Variants in EYA4 observed in about 807,000 individuals in gnomAD.
EYA4 encodes the protein protein phosphatase EYA4.
A neutral mutation model predicts 87.9 loss-of-function variants in EYA4; 31 were observed. The ratio of observed to expected loss-of-function variants is 0.35; its 90% confidence interval spans 0.27 to 0.48. The LOEUF is 0.48. Among genes scored for constraint, EYA4 ranks in the 20% least tolerant of loss-of-function variants. The pLI, the probability that EYA4 is intolerant of heterozygous loss-of-function variation, is 0.99. For missense variants in EYA4, 678 were observed against 761.4 expected (o/e 0.89, Z 1.29); for synonymous variants, 263 against 270.6 (o/e 0.97, Z 0.28).
At chr6:133,299,906 C>CAT (rs1039355081) in intron 2 of EYA4, among the ~76,000 whole-genome samples, 1 of 145,868 alleles carries the variant, frequency 6.9e-6, no homozygotes, top group Non-Finnish European at 1.5e-5. Flanking sequence ...TATACATATA[C>CAT]ATATGTATAT....
chr6:133,517,550 A>T (rs1799707786), intron 17 of EYA4, among the ~76,000 whole-genome samples: 1 of 152,126 alleles, frequency 6.6e-6, no homozygotes, highest in Admixed American at 6.6e-5. Flanking sequence ...AAAAAAAGTT[A>T]ATATTAAGAA....
chr6:133,360,289 G>A (rs539333095), intron 2 of EYA4: 1 of 152,150 alleles, frequency 6.6e-6, no homozygotes, highest in Non-Finnish European at 1.5e-5. Flanking sequence ...GGCTTAGTAG[G>A]CTAGGAGTCA....
intron 13 of EYA4, among the ~76,000 whole-genome samples, chr6:133,492,916 G>A (rs367847162): frequency 6.6e-6 from 1 of 152,020 alleles, no homozygotes; most frequent in African/African-American, 2.4e-5. Context: ...TCTCTACAAT[G>A]AAAACTGTAA....
At chr6:133,333,347 C>T (rs897414457) in intron 2 of EYA4, among the ~76,000 whole-genome samples, 9 of 152,134 alleles carry the variant, frequency 5.9e-5, no homozygotes, top group Admixed American at 4.6e-4. Flanking sequence ...AATGCATTTT[C>T]CATGCATGGA....
At chr6:133,502,193 A>G (rs537761020) in intron 13 of EYA4, 4 of 152,208 alleles carry the variant, frequency 2.6e-5, no homozygotes, top group Non-Finnish European at 4.4e-5. Context: ...TGTTGTAGAC[A>G]CTTTGAACCT....
chr6:133,438,456 C>T (rs546123339), intron 3 of EYA4, among the ~76,000 whole-genome samples: 1 of 149,426 alleles, frequency 6.7e-6, no homozygotes, highest in African/African-American at 2.5e-5. Context: ...TTTGTGGCTT[C>T]AGTGATATCA....
chr6:133,282,588 G>T (rs1297433895), intron 2 of EYA4, among the ~76,000 whole-genome samples: 1 of 98,270 alleles, frequency 1.0e-5, no homozygotes, highest in African/African-American at 5.8e-5. Flanking sequence ...ATATGTGTGT[G>T]TATATATATA....
rs111548923 is a variant in EYA4, at chr6:133,484,345, A to G, written c.1191+1230A>G. The stretch of plus-strand genomic sequence containing the variant: ...GCTCATGCAGTTTTTAGCTTTGTCT[A>G]TATTAAGCTATATTAAGCTTTGTCT... On this transcript the variant is annotated intron_variant, in intron 13 of 19. Transcript: ENST00000355286. Among the ~76,000 whole-genome samples the G allele has an allele frequency of 5.7e-3, 870 of 152,314 alleles. 4 individuals are homozygous for G. Among genetic ancestry groups the G allele is most frequent in the Non-Finnish European group, 9.9e-3 (676 of 68,032 alleles).
chr6:133,338,091 T>C (rs2128399925), intron 2 of EYA4, among the ~76,000 whole-genome samples: 1 of 152,312 alleles, frequency 6.6e-6, no homozygotes, highest in East Asian at 1.9e-4. Flanking sequence ...GAACATTCAT[T>C]CTTTGTAGGA....
chr6:133,425,549 C>T (rs1790595775), intron 3 of EYA4, among the ~76,000 whole-genome samples: 1 of 150,742 alleles, frequency 6.6e-6, no homozygotes, highest in South Asian at 2.1e-4. Flanking sequence ...CACTTTCTTC[C>T]TGTTTTGTTC....
chr6:133,321,404 G>T (rs2128356281), intron 2 of EYA4, among the ~76,000 whole-genome samples: 1 of 152,218 alleles, frequency 6.6e-6, no homozygotes, highest in African/African-American at 2.4e-5. Flanking sequence ...CCTCTCAGTT[G>T]TTCTGTGCTG....
chr6:133,428,915 T>C (rs1380329490), intron 3 of EYA4, among the ~76,000 whole-genome samples: 19 of 92,040 alleles, frequency 2.1e-4, no homozygotes, highest in African/African-American at 8.1e-4. Flanking sequence ...TAGCTTCTTT[T>C]TTTTTTTTTT....
rs574813657 is a variant in EYA4 at position 133,529,608 on chromosome 6, C to G, written c.*803C>G. 7.1e-6 allele frequency: 7 copies of G among 985,030 alleles called. No homozygotes were observed. The South Asian group carries it at 3.3e-4, about 46-fold the overall frequency. The allele number at this position is 985,030 out of a possible 1,614,324, so 61.0% of individuals were successfully genotyped here. On this transcript the variant is annotated 3_prime_UTR_variant, in exon 20 of 20. Transcript: ENST00000355286. Reference sequence around the variant, plus strand: ...AGCTCTCAGAGCTTAATTACCGCATCAGCAAGAAACTGAGTATTTTTTGCA... The same window carrying G: ...AGCTCTCAGAGCTTAATTACCGCATGAGCAAGAAACTGAGTATTTTTTGCA...
chr6:133,477,094 T>C (rs1303784846), intron 11 of EYA4, among the ~76,000 whole-genome samples: 3 of 151,982 alleles, frequency 2.0e-5, no homozygotes, highest in South Asian at 4.1e-4. Flanking sequence ...TCTGCCATGA[T>C]TGTAAGTTTC....
At chr6:133,312,382 GCACA>G (rs78921867) in intron 2 of EYA4, among the ~76,000 whole-genome samples, 16,290 of 147,776 alleles carry the variant, frequency 0.11, 970 homozygotes, top group South Asian at 0.13. Context: ...AGAGGCGCGT[GCACA>G]CACACACACA....
chr6:133,496,480 T>C (rs1797656472), intron 13 of EYA4, among the ~76,000 whole-genome samples: 1 of 152,136 alleles, frequency 6.6e-6, no homozygotes, highest in Admixed American at 6.5e-5. Flanking sequence ...GAGATCCCAT[T>C]TCCCCTACAT....
At chr6:133,435,156 G>C (rs147318840) in intron 3 of EYA4, 1 of 152,346 alleles carries the variant, frequency 6.6e-6, no homozygotes, top group Admixed American at 6.5e-5. Context: ...GAGTCATAGT[G>C]AACAAAGGGG....
intron 2 of EYA4, among the ~76,000 whole-genome samples, chr6:133,307,735 A>G (rs1229175719): frequency 6.6e-6 from 1 of 152,222 alleles, no homozygotes; most frequent in African/African-American, 2.4e-5. Flanking sequence ...ATTCATAAGA[A>G]CAGTCTTAAG....
intron 17 of EYA4, among the ~76,000 whole-genome samples, chr6:133,518,062 G>A (rs1407710071): frequency 1.3e-5 from 2 of 152,152 alleles, no homozygotes; most frequent in Non-Finnish European, 2.9e-5. Context: ...GGTGACAAGA[G>A]AGACCAAATG....
Sources: allele counts gnomAD v4.1 joint callset (sites outside exome capture counted in the v4.1 genomes callset), GRCh38; gene constraint gnomAD v4.1.1; transcripts MANE v1.5; gene names NCBI Gene and HGNC (gene_info 2026-07-23, HGNC 2026-07-21).